Variants in PTPRD observed in about 807,000 individuals in gnomAD.
The protein encoded by PTPRD is receptor-type tyrosine-protein phosphatase delta.
A neutral mutation model predicts 214.5 loss-of-function variants in PTPRD; 34 were observed. That is an observed-to-expected ratio of 0.16 (90% CI 0.12 to 0.21). The LOEUF (loss-of-function observed/expected upper bound fraction) is 0.21. Among genes scored for constraint, PTPRD ranks in the 10% least tolerant of loss-of-function variants. The pLI is 1.00. For synonymous variants in PTPRD, 1,128 were observed against 845.7 expected, an observed-to-expected ratio of 1.33 and a Z score of -5.79; for missense variants, 2,545 against 2,398.7, an observed-to-expected ratio of 1.06 and a Z score of -1.27.
chr9:9,447,791 G>T (rs750598469), intron 8 of PTPRD, among the ~76,000 whole-genome samples: 3 of 152,124 alleles, frequency 2.0e-5, no homozygotes, highest in Non-Finnish European at 4.4e-5. Context: ...GAATATGGAA[G>T]AACGCTGTTC....
chr9:9,254,091 C>A (rs998730227), intron 9 of PTPRD, among the ~76,000 whole-genome samples: 2 of 152,018 alleles, frequency 1.3e-5, no homozygotes, highest in African/African-American at 4.8e-5. Flanking sequence ...AGGATGATAT[C>A]CTTCTCTCAA....
At chr9:8,961,952 T>C (rs965145466) in intron 11 of PTPRD, among the ~76,000 whole-genome samples, 1 of 152,100 alleles carries the variant, frequency 6.6e-6, no homozygotes, top group African/African-American at 2.4e-5. Context: ...TATAGGAATA[T>C]ATATGAAATT....
intron 11 of PTPRD, among the ~76,000 whole-genome samples, chr9:8,763,273 A>T (rs1033600702): frequency 6.6e-6 from 1 of 152,138 alleles, no homozygotes; most frequent in Admixed American, 6.6e-5. Flanking sequence ...GCACTTTGGG[A>T]GGCCGAGTTG....
chr9:10,371,458 A>C (rs2097616415), intron 2 of PTPRD, among the ~76,000 whole-genome samples: 1 of 152,028 alleles, frequency 6.6e-6, no homozygotes, highest in South Asian at 2.1e-4. Flanking sequence ...TTTTGATACC[A>C]TTTAAAATGA....
At chr9:9,711,803 C>T (rs1162903756) in intron 7 of PTPRD, among the ~76,000 whole-genome samples, 1 of 152,176 alleles carries the variant, frequency 6.6e-6, no homozygotes, top group African/African-American at 2.4e-5. Flanking sequence ...CTCTGCCTTT[C>T]AAACAGCTCT....
chr9:9,544,439 C>A (rs897338596), intron 8 of PTPRD, among the ~76,000 whole-genome samples: 2 of 151,376 alleles, frequency 1.3e-5, no homozygotes. Flanking sequence ...ATTTCTTAAC[C>A]TTTTTAAGGT....
intron 10 of PTPRD, among the ~76,000 whole-genome samples, chr9:9,142,365 T>C (rs142241235): frequency 2.6e-5 from 4 of 152,340 alleles, no homozygotes; most frequent in African/African-American, 9.6e-5. Context: ...GCTGAGGTTT[T>C]AGAATGAGCT....
rs77506380 is a variant in PTPRD, at chr9:9,995,239, T to C, written c.-472+38479A>G. On this transcript the variant is annotated intron_variant, in intron 4 of 45. Coordinates refer to ENST00000381196, the MANE Select transcript of PTPRD (RefSeq NM_002839.4). ...TTGGTTTGGCAGCATACTTCACTTTTCTTTAGGTAAAATAGGGCTTTTATA... is the reference window on the plus strand; with the variant it reads ...TTGGTTTGGCAGCATACTTCACTTTCCTTTAGGTAAAATAGGGCTTTTATA... 2.6e-3 allele frequency among the ~76,000 whole-genome samples: 393 copies of C among 152,276 alleles called. 2 individuals are homozygous for C. The highest frequency in any genetic ancestry group is 8.6e-3 in the African/African-American group (358 of 41,564).
At chr9:9,323,747 T>A (rs1439475792) in intron 9 of PTPRD, among the ~76,000 whole-genome samples, 4 of 152,162 alleles carry the variant, frequency 2.6e-5, no homozygotes, top group Admixed American at 2.0e-4. Flanking sequence ...AATGTGCAGG[T>A]TTGTTACATA....
chr9:8,316,623 AT>A lies in PTPRD; in HGVS notation c.*1250del. The A allele has an allele frequency of 4.3e-6, 1 of 230,812 alleles. No individual in the cohort carries two copies. Among genetic ancestry groups the A allele is most frequent in the Non-Finnish European group, 8.6e-6 (1 of 116,268 alleles). The allele number at this position is 230,812 out of a possible 1,614,324, so 14.3% of individuals were successfully genotyped here. A position where few individuals can be genotyped will look rare whatever the true frequency, so the allele number is the denominator to read the frequency against. On this transcript the variant is annotated 3_prime_UTR_variant, in exon 46 of 46. Coordinates refer to ENST00000381196, the MANE Select transcript of PTPRD (RefSeq NM_002839.4). ...ATGCACACCTCTTAGCTATTTAATA[AT>A]AATTTTTATTGCACTAGAGTGTTAG...
intron 3 of PTPRD, among the ~76,000 whole-genome samples, chr9:10,276,437 A>G (rs1448273416): frequency 6.6e-6 from 1 of 152,214 alleles, no homozygotes; most frequent in Admixed American, 6.5e-5. Context: ...CATTTGAGAA[A>G]TGACTGGATC....
chr9:8,355,343 T>C (rs2076707830), intron 39 of PTPRD, among the ~76,000 whole-genome samples: 1 of 152,190 alleles, frequency 6.6e-6, no homozygotes, highest in African/African-American at 2.4e-5. Flanking sequence ...ATAAACCTCT[T>C]TTCTTCAGAC....
intron 5 of PTPRD, among the ~76,000 whole-genome samples, chr9:9,814,854 C>T (rs1160406056): frequency 7.5e-6 from 1 of 133,632 alleles, no homozygotes; most frequent in Admixed American, 8.6e-5. Flanking sequence ...GGCTGGAGTA[C>T]AGTGGCACGA....
At chr9:8,485,658 C>T in intron 28 of PTPRD, 104 bp downstream of exon 28, 1 of 1,030,208 alleles carries the variant, frequency 9.7e-7, no homozygotes, top group Non-Finnish European at 1.4e-6. Flanking sequence ...TTTGCTGAAC[C>T]TATTAATATG....
At chr9:8,564,361 C>A (rs914534213) in intron 14 of PTPRD, among the ~76,000 whole-genome samples, 1 of 152,222 alleles carries the variant, frequency 6.6e-6, no homozygotes, top group East Asian at 1.9e-4. Context: ...TGTATACATA[C>A]ACACATACTA....
At chr9:9,073,169 A>G (rs1011332037) in intron 10 of PTPRD, among the ~76,000 whole-genome samples, 2 of 152,222 alleles carry the variant, frequency 1.3e-5, no homozygotes, top group East Asian at 3.9e-4. Context: ...GAAACCACCC[A>G]GAATCTAACT....
intron 8 of PTPRD, among the ~76,000 whole-genome samples, chr9:9,401,598 T>C (rs2070524432): frequency 2.2e-5 from 1 of 45,882 alleles, no homozygotes; most frequent in South Asian, 7.1e-4. Context: ...CCAAATGTTA[T>C]ATCTTATTTT....
chr9:10,035,901 C>G (rs1472689013), intron 3 of PTPRD, among the ~76,000 whole-genome samples: 1 of 134,796 alleles, frequency 7.4e-6, no homozygotes, highest in Non-Finnish European at 1.6e-5. Flanking sequence ...AACTTTGGCC[C>G]TTGTTCAGGA....
chr9:9,738,044 T>A (rs1307905024), intron 6 of PTPRD, among the ~76,000 whole-genome samples: 1 of 151,932 alleles, frequency 6.6e-6, no homozygotes, highest in Non-Finnish European at 1.5e-5. Context: ...TAGTTGGGAA[T>A]TGAACAACGA....
Sources: gnomAD v4.1 joint callset for allele counts (sites outside exome capture counted in the v4.1 genomes callset) on GRCh38, gnomAD v4.1.1 for gene constraint, MANE v1.5 for transcripts, NCBI Gene and HGNC (gene_info 2026-07-23, HGNC 2026-07-21) for gene names.